HPSE: variants seen among roughly 807,000 people sequenced by gnomAD.
HPSE encodes heparanase.
Under a neutral mutation model 65.1 loss-of-function variants are expected in HPSE, and 48 were observed. The ratio of observed to expected loss-of-function variants is 0.74; its 90% CI spans 0.58 to 0.94. The LOEUF (loss-of-function observed/expected upper bound fraction) is 0.94. Among genes scored for constraint, HPSE ranks in the 40% least tolerant of loss-of-function variants. The pLI, the probability that HPSE is intolerant of heterozygous loss-of-function variation, is 0.00. For missense variants in HPSE, 644 were observed against 637.5 expected (o/e 1.01, Z -0.11); for synonymous variants, 243 against 260.0 (o/e 0.93, Z 0.63).
chr4:83,330,071 C>G (rs1485540389), intron 1 of HPSE, among the ~76,000 whole-genome samples: 4 of 152,096 alleles, frequency 2.6e-5, no homozygotes, highest in South Asian at 2.1e-4. Context: ...CGTCATTTTA[C>G]AAACAAGGAA....
intron 3 of HPSE, among the ~76,000 whole-genome samples, chr4:83,316,350 C>CAAA (rs755454775): frequency 1.3e-5 from 2 of 149,550 alleles, no homozygotes. Flanking sequence ...AAAAAAAAAA[C>CAAA]AAAAAAAACA....
rs1036336506 is a variant in HPSE, at chr4:83,334,656, A to G, written c.127T>C (p.Phe43Leu). 17 of 1,582,658 alleles carry G rather than the reference A, an allele frequency of 1.1e-5. No homozygotes were observed. In the Admixed American group the frequency reaches 2.7e-4, roughly 25 times the overall value. Reference protein sequence around the residue: ...AQAQDVVDLDFFTQEPLHLVS... With the variant: ...AQAQDVVDLDLFTQEPLHLVS... ...AGGTGCAGCGGCTCCTGGGTGAAGA[A>G]GTCCAGGTCCACGACGTCCTGTGCT... Residue 43 changes from phenylalanine to leucine, a missense_variant, in exon 1 of 12, where the codon TTC (phenylalanine) becomes CTC (leucine). Physicochemically the swap from Phe to Leu is conservative, Grantham distance 22 (BLOSUM62 0). Coordinates refer to ENST00000311412, the MANE Select transcript of HPSE (RefSeq NM_001098540.3).
chr4:83,308,757 G>T, intron 8 of HPSE, 88 bp downstream of exon 8: 1 of 1,014,620 alleles, frequency 9.9e-7, no homozygotes, highest in Non-Finnish European at 1.5e-6. Flanking sequence ...TCTTTGATCT[G>T]CTTTTTGGCT....
At chr4:83,320,202 C>T (rs1736832428) in intron 2 of HPSE, among the ~76,000 whole-genome samples, 1 of 152,020 alleles carries the variant, frequency 6.6e-6, no homozygotes, top group Non-Finnish European at 1.5e-5. Flanking sequence ...TGGGTGGGAA[C>T]CGTTGACTTT....
At chr4:83,320,008 C>T (rs375299561) in intron 2 of HPSE, among the ~76,000 whole-genome samples, 10 of 119,878 alleles carry the variant, frequency 8.3e-5, no homozygotes, top group East Asian at 7.5e-4. Context: ...TGACACTGGG[C>T]GACAAAGCGA....
intron 1 of HPSE, among the ~76,000 whole-genome samples, chr4:83,324,081 T>A (rs1308532107): frequency 6.6e-6 from 1 of 150,378 alleles, no homozygotes; most frequent in Non-Finnish European, 1.5e-5. Flanking sequence ...AAATTATTCC[T>A]GGAGCACTGA....
rs371174791 is a variant in HPSE, at chr4:83,323,109, C to T, written c.228-745G>A. Among the ~76,000 whole-genome samples, 8 of 152,024 alleles carry T rather than the reference C, an allele frequency of 5.3e-5. No individual in the cohort carries two copies. In the East Asian group the frequency reaches 9.7e-4, roughly 18 times the overall value. On this transcript the variant is annotated intron_variant, in intron 1 of 11. Coordinates refer to ENST00000311412, the MANE Select transcript of HPSE (RefSeq NM_001098540.3). ...CTCTGTGTCTGTCTGAAAAATAGAT[C>T]GTCCGAAACTATGGGACAGTAAAAA...
chr4:83,309,950 A>C, intron 6 of HPSE, 81 bp downstream of exon 6: 1 of 982,536 alleles, frequency 1.0e-6, no homozygotes, highest in Non-Finnish European at 1.6e-6. Flanking sequence ...TTGGCAGTTA[A>C]ATGAACTAAC....
In HPSE at chr4:83,292,694, T is replaced by G. The variant is rs954488736; in HGVS notation, c.*2650A>C. 1 of 152,190 alleles carries G rather than the reference T, an allele frequency of 6.6e-6. No individual in the cohort carries two copies. The highest frequency in any genetic ancestry group is 2.4e-5 in the African/African-American group (1 of 41,442). The allele number at this position is 152,190 out of a possible 1,614,324, so 9.4% of individuals were successfully genotyped here. Reference sequence around the variant, plus strand: ...ACTATTACTCAGCCATAAAGAAGAATAATGTATTTTGCAGCAACTTGGACG... The same window carrying G: ...ACTATTACTCAGCCATAAAGAAGAAGAATGTATTTTGCAGCAACTTGGACG... On this transcript the variant is annotated 3_prime_UTR_variant, in exon 12 of 12. Coordinates refer to ENST00000311412, the MANE Select transcript of HPSE (RefSeq NM_001098540.3).
chr4:83,296,898 T>G (rs1735749114), intron 11 of HPSE, among the ~76,000 whole-genome samples: 1 of 152,200 alleles, frequency 6.6e-6, no homozygotes, highest in South Asian at 2.1e-4. Context: ...GTATATTCAT[T>G]CTTTCATCTA....
At position 83,299,627 on chromosome 4, in the gene HPSE, T is replaced by C. The variant is rs148618546; in HGVS notation, c.1472+1333A>G. ...GTACTGCCTCAGGTTCCGAGGCTAA[T>C]AGTCCTGGAACACATCACTTATGTG... On this transcript the variant is annotated intron_variant, in intron 11 of 11. Transcript: ENST00000311412. 1.3e-3 allele frequency among the ~76,000 whole-genome samples: 195 copies of C among 152,254 alleles called. 1 individual carries two copies. Among genetic ancestry groups the C allele is most frequent in the East Asian group, 3.1e-3 (16 of 5,192 alleles).
intron 2 of HPSE, among the ~76,000 whole-genome samples, chr4:83,320,565 C>CA (rs904935247): frequency 0.028 from 3,457 of 122,928 alleles, 120 homozygotes; most frequent in African/African-American, 0.089. Flanking sequence ...GACCCTGTCT[C>CA]AAAAAAAAAA....
Position 83,293,275 on chromosome 4 carries a change from T to G in HPSE, c.*2069A>C, listed in dbSNP as rs1735613169. 1 of 152,206 alleles carries G rather than the reference T, an allele frequency of 6.6e-6. No individual in the cohort carries two copies. Among genetic ancestry groups the G allele is most frequent in the African/African-American group, 2.4e-5 (1 of 41,446 alleles). The allele number at this position is 152,206 out of a possible 1,614,324, so 9.4% of individuals were successfully genotyped here. On this transcript the variant is annotated 3_prime_UTR_variant, in exon 12 of 12. Transcript: ENST00000311412. ...ACATGAGGAGACATGAGGAGAGGTT[T>G]GCTGTGAGAAGCTCTGAAAAAGAGT...
At chr4:83,327,492 A>C (rs1052169019) in intron 1 of HPSE, among the ~76,000 whole-genome samples, 1 of 152,254 alleles carries the variant, frequency 6.6e-6, no homozygotes, top group Non-Finnish European at 1.5e-5. Flanking sequence ...AACCATATAC[A>C]AGAAAAATAA....
upstream of HPSE, chr4:83,334,935 C>CG: frequency 8.0e-7 from 1 of 1,253,088 alleles, no homozygotes; most frequent in Non-Finnish European, 1.1e-6. Context: ...TCCATCCCTC[C>CG]CACTCCTCTT....
rs571345171 is a variant in HPSE, at chr4:83,329,742, A to G, written c.227+4814T>C. Among the ~76,000 whole-genome samples the G allele has an allele frequency of 2.2e-4, 33 of 152,296 alleles. No homozygotes were observed. In the South Asian group the frequency reaches 6.8e-3, roughly 32 times the overall value. ...GAGTGTAACATTATCTGTTATAAAA[A>G]AATGTGAGTGAAGAAACTGAGACAG... is the stretch of plus-strand genomic sequence containing the variant. On this transcript the variant is annotated intron_variant, in intron 1 of 11. Coordinates refer to ENST00000311412, the MANE Select transcript of HPSE (RefSeq NM_001098540.3).
intron 11 of HPSE, among the ~76,000 whole-genome samples, chr4:83,299,900 G>C (rs535020929): frequency 6.6e-6 from 1 of 151,882 alleles, no homozygotes; most frequent in Non-Finnish European, 1.5e-5. Flanking sequence ...AGAGAGTTTT[G>C]CCATATTGCC....
chr4:83,334,343 A>G (rs1309794721), intron 1 of HPSE, among the ~76,000 whole-genome samples: 1 of 152,040 alleles, frequency 6.6e-6, no homozygotes, highest in Admixed American at 6.6e-5. Flanking sequence ...CCCTAAATCT[A>G]TTTTTTAAAT....
rs36002405 is a variant in HPSE at position 83,321,987 on chromosome 4, C to CTTTTTTTTTTTTTTTT, written c.373+216_373+231dup. Among the ~76,000 whole-genome samples, 5 of 92,558 alleles carry CTTTTTTTTTTTTTTTT rather than the reference C, an allele frequency of 5.4e-5. 2 individuals are homozygous for CTTTTTTTTTTTTTTTT. The highest frequency in any genetic ancestry group is 3.4e-4 in the Admixed American group (2 of 5,936). The allele number at this position is 92,558 out of a possible 152,430, so 60.7% of individuals were successfully genotyped here. A position where few individuals can be genotyped will look rare whatever the true frequency, so the allele number is the denominator to read the frequency against. ...GAGCTCTCAGTTATATCCAGGACGC[C>CTTTTTTTTTTTTTTTT]TTTTTTTTTTTTTTTTTTTTGTGAG... On this transcript the variant is annotated intron_variant, in intron 2 of 11. Transcript: ENST00000311412.
Sources: gnomAD v4.1 joint callset for allele counts (sites outside exome capture counted in the v4.1 genomes callset) on GRCh38, gnomAD v4.1.1 for gene constraint, MANE v1.5 for transcripts, NCBI Gene and HGNC (gene_info 2026-07-23, HGNC 2026-07-21) for gene names.